Variants in ATG5 observed in about 807,000 individuals in gnomAD.
ATG5 encodes autophagy related 5, also known as autophagy protein 5.
ATG5 carries 14 observed loss-of-function variants against 36.5 expected under a neutral mutation model. The observed-to-expected ratio is 0.38, with a 90% CI of 0.25 to 0.60. The LOEUF (loss-of-function observed/expected upper bound fraction) is 0.60, where lower values mean the gene tolerates loss of function less well. Among genes scored for constraint, ATG5 ranks in the 20% least tolerant of loss-of-function variants. ATG5 has a pLI of 0.60. For synonymous variants in ATG5, 95 were observed against 101.5 expected, an observed-to-expected ratio of 0.94 and a Z score of 0.38; for missense variants, 195 against 326.7, an observed-to-expected ratio of 0.60 and a Z score of 3.11.
intron 5 of ATG5, among the ~76,000 whole-genome samples, chr6:106,260,708 T>C (rs1210299522): frequency 6.6e-6 from 1 of 152,194 alleles, no homozygotes; most frequent in Non-Finnish European, 1.5e-5. Flanking sequence ...GAACGTTACA[T>C]AGCTTCTAAA....
At chr6:106,263,055 G>A (rs759695653) in intron 5 of ATG5, among the ~76,000 whole-genome samples, 1 of 152,188 alleles carries the variant, frequency 6.6e-6, no homozygotes, top group Non-Finnish European at 1.5e-5. Context: ...CGCTCAGTGG[G>A]TCCCACTCCT....
chr6:106,271,677 A>G (rs1243160847), intron 5 of ATG5: 1 of 152,226 alleles, frequency 6.6e-6, no homozygotes, highest in Non-Finnish European at 1.5e-5. Context: ...GGTTCATCCA[A>G]GACATGATAA....
At position 106,185,303 on chromosome 6, in the gene ATG5, C is replaced by CT. The variant is rs1262487059; in HGVS notation, c.*1236dup. On this transcript the variant is annotated 3_prime_UTR_variant, in exon 8 of 8. Coordinates refer to ENST00000369076, the MANE Select transcript of ATG5 (RefSeq NM_004849.4). ...ATGGGATCTAAAACCATGATCGTGT[C>CT]TGATACTGTAAGCCTTTTAGCGTAC... The CT allele has an allele frequency of 6.5e-6, 1 of 152,676 alleles. No homozygotes were observed. Among genetic ancestry groups the CT allele is most frequent in the Non-Finnish European group, 1.5e-5 (1 of 68,004 alleles). 9.5% of individuals were successfully genotyped at this position (152,676 alleles called of 1,614,324 possible). A position where few individuals can be genotyped will look rare whatever the true frequency, so the allele number is the denominator to read the frequency against.
At chr6:106,290,314 AT>A (rs1445776295) in intron 4 of ATG5, among the ~76,000 whole-genome samples, 1 of 137,024 alleles carries the variant, frequency 7.3e-6, no homozygotes, top group Non-Finnish European at 1.6e-5. Context: ...CCTGTCATTC[AT>A]TCTTTCATTC....
At chr6:106,201,273 A>ATGTGTGTGTGTG (rs1436145806) in intron 7 of ATG5, among the ~76,000 whole-genome samples, 1 of 91,726 alleles carries the variant, frequency 1.1e-5, no homozygotes, top group African/African-American at 5.9e-5. Flanking sequence ...ATTCAAGTGT[A>ATGTGTGTGTGTG]TATGTGTGTG....
chr6:106,287,052 A>T (rs181442543), intron 4 of ATG5, among the ~76,000 whole-genome samples: 188 of 152,366 alleles, frequency 1.2e-3, no homozygotes, highest in Non-Finnish European at 2.0e-3. Context: ...AGACAATAGT[A>T]GATAACTAAT....
At chr6:106,287,901 A>G (rs2114619072) in intron 4 of ATG5, among the ~76,000 whole-genome samples, 1 of 152,296 alleles carries the variant, frequency 6.6e-6, no homozygotes, top group Admixed American at 6.5e-5. Flanking sequence ...GAGAAAACGC[A>G]AAGGTGGCAA....
chr6:106,287,486 T>C (rs1463386247), intron 4 of ATG5, among the ~76,000 whole-genome samples: 2 of 152,198 alleles, frequency 1.3e-5, no homozygotes, highest in African/African-American at 2.4e-5. Flanking sequence ...TTGATCTTAT[T>C]TTACTTAACA....
chr6:106,196,429 A>C (rs1477124446), intron 7 of ATG5, among the ~76,000 whole-genome samples: 1 of 152,214 alleles, frequency 6.6e-6, no homozygotes, highest in Non-Finnish European at 1.5e-5. Flanking sequence ...TCTGCAATTA[A>C]GTGGTTAAGA....
rs533844313 is a variant in ATG5 at position 106,271,362 on chromosome 6, C to T, written c.478+8299G>A. ...TTGGGAGCTGATTAGGTCATAAGGG[C>T]GGAGTCCTCATAAATGGAATTACTG... On this transcript the variant is annotated intron_variant, in intron 5 of 7. Coordinates refer to ENST00000369076, the MANE Select transcript of ATG5 (RefSeq NM_004849.4). 6.6e-5 allele frequency among the ~76,000 whole-genome samples: 10 copies of T among 152,252 alleles called. No individual in the cohort carries two copies. The South Asian group carries it at 1.5e-3, about 22-fold the overall frequency.
At chr6:106,226,033 C>T (rs762662557) in intron 6 of ATG5, among the ~76,000 whole-genome samples, 1 of 152,160 alleles carries the variant, frequency 6.6e-6, no homozygotes, top group Admixed American at 6.5e-5. Flanking sequence ...AAACTCTCAC[C>T]TATGGGAAAC....
chr6:106,295,883 A>G (rs938852254), intron 3 of ATG5, among the ~76,000 whole-genome samples: 1 of 152,206 alleles, frequency 6.6e-6, no homozygotes, highest in African/African-American at 2.4e-5. Context: ...CTTTAAGGAA[A>G]TATCTGGATC....
At chr6:106,216,729 G>A (rs916696588) in intron 6 of ATG5, among the ~76,000 whole-genome samples, 2 of 152,038 alleles carry the variant, frequency 1.3e-5, no homozygotes, top group African/African-American at 2.4e-5. Flanking sequence ...TGCTTTAAAA[G>A]GTGACCTTTG....
chr6:106,265,806 A>G (rs774159252), intron 5 of ATG5, among the ~76,000 whole-genome samples: 4 of 152,230 alleles, frequency 2.6e-5, no homozygotes, highest in Non-Finnish European at 5.9e-5. Context: ...AATGAGAAAA[A>G]AGAGACAACG....
chr6:106,266,619 C>T (rs977319800), intron 5 of ATG5, among the ~76,000 whole-genome samples: 19 of 152,080 alleles, frequency 1.2e-4, no homozygotes, highest in South Asian at 2.1e-4. Context: ...TCTGGCAAAC[C>T]GAATCCAGCA....
intron 6 of ATG5, among the ~76,000 whole-genome samples, chr6:106,223,784 A>G (rs1201882375): frequency 2.0e-5 from 3 of 152,212 alleles, no homozygotes; most frequent in Non-Finnish European, 4.4e-5. Flanking sequence ...CCTCTATGAT[A>G]TTATGTTTGC....
At chr6:106,263,075 A>G (rs1779091017) in intron 5 of ATG5, among the ~76,000 whole-genome samples, 1 of 152,256 alleles carries the variant, frequency 6.6e-6, no homozygotes, top group Admixed American at 6.5e-5. Context: ...TACGGAGCCC[A>G]GCAAGCTAAG....
At chr6:106,285,494 T>C (rs546002601) in intron 4 of ATG5, among the ~76,000 whole-genome samples, 1 of 152,318 alleles carries the variant, frequency 6.6e-6, no homozygotes, top group Non-Finnish European at 1.5e-5. Flanking sequence ...CTAAGTTTTG[T>C]TCTGGCTGGC....
At chr6:106,261,833 G>A (rs1387131351) in intron 5 of ATG5, among the ~76,000 whole-genome samples, 2 of 152,204 alleles carry the variant, frequency 1.3e-5, no homozygotes, top group East Asian at 3.9e-4. Flanking sequence ...AATTATTACC[G>A]GGGGAGCGGG....
Sources: allele counts gnomAD v4.1 joint callset (sites outside exome capture counted in the v4.1 genomes callset), GRCh38; gene constraint gnomAD v4.1.1; transcripts MANE v1.5; gene names NCBI Gene and HGNC (gene_info 2026-07-23, HGNC 2026-07-21).